The following COL24A1 variants were observed in gnomAD, a reference collection of about 807,000 sequenced individuals.
COL24A1 encodes the protein collagen type XXIV alpha 1 chain, also known as collagen alpha-1(XXIV) chain.
A neutral mutation model predicts 253.9 loss-of-function variants in COL24A1; 224 were observed. The observed-to-expected ratio is 0.88, with a 90% confidence interval of 0.79 to 0.99. The LOEUF (loss-of-function observed/expected upper bound fraction) is 0.99. Among genes scored for constraint, COL24A1 ranks in the 50% least tolerant of loss-of-function variants. COL24A1 has a pLI of 0.00. For synonymous variants in COL24A1, 685 were observed against 673.7 expected, an observed-to-expected ratio of 1.02 and a Z score of -0.26; for missense variants, 2,131 against 2,068.5, an observed-to-expected ratio of 1.03 and a Z score of -0.59.
At chr1:85,911,778 T>A (rs1685394368) in intron 24 of COL24A1, among the ~76,000 whole-genome samples, 1 of 152,114 alleles carries the variant, frequency 6.6e-6, no homozygotes, top group African/African-American at 2.4e-5. Flanking sequence ...TATATTCGTT[T>A]AAGAAATCAT....
At chr1:85,811,163 CAAT>C (rs1192028249) in intron 47 of COL24A1, among the ~76,000 whole-genome samples, 1 of 152,154 alleles carries the variant, frequency 6.6e-6, no homozygotes, top group Admixed American at 6.5e-5. Flanking sequence ...ATTCCATTGT[CAAT>C]TATTCCAATA....
chr1:85,889,533 A>G (rs774873101), intron 32 of COL24A1, 27 bp downstream of exon 32: 4 of 1,588,964 alleles, frequency 2.5e-6, no homozygotes, highest in South Asian at 2.2e-5. Flanking sequence ...GAAAGACACA[A>G]TTAGAAAAGT....
Position 85,760,682 on chromosome 1 carries a change from A to G in COL24A1, c.4437+714T>C, listed in dbSNP as rs118089825. 1.2e-3 allele frequency among the ~76,000 whole-genome samples: 176 copies of G among 152,300 alleles called. 2 individuals carry two copies. The East Asian group carries it at 0.032, about 28-fold the overall frequency. On this transcript the variant is annotated intron_variant, in intron 55 of 59. Transcript: ENST00000370571. The stretch of plus-strand genomic sequence containing the variant: ...GGATGGTGTAGCGAACAGTAGATCC[A>G]TGTTAGGCAGAAAATGTGACCAAGG...
At chr1:85,830,819 G>T (rs376938731) in intron 43 of COL24A1, among the ~76,000 whole-genome samples, 11 of 152,122 alleles carry the variant, frequency 7.2e-5, no homozygotes, top group African/African-American at 2.7e-4. Flanking sequence ...TGCGCCCACT[G>T]TCTGGCACTC....
intron 22 of COL24A1, among the ~76,000 whole-genome samples, chr1:85,966,746 A>T (rs1454289607): frequency 6.6e-6 from 1 of 152,136 alleles, no homozygotes; most frequent in Non-Finnish European, 1.5e-5. Flanking sequence ...AGCAATACAG[A>T]AACCACTGAT....
intron 59 of COL24A1, among the ~76,000 whole-genome samples, chr1:85,731,140 T>C (rs1342930678): frequency 6.6e-6 from 1 of 152,220 alleles, no homozygotes; most frequent in African/African-American, 2.4e-5. Flanking sequence ...CAGTCAGAAA[T>C]AGTTAAAATT....
intron 24 of COL24A1, among the ~76,000 whole-genome samples, chr1:85,950,786 AG>A (rs1689822524): frequency 6.6e-6 from 1 of 152,242 alleles, no homozygotes; most frequent in South Asian, 2.1e-4. Flanking sequence ...TAAAATACAG[AG>A]GATACTTGAT....
At chr1:85,910,719 A>G (rs1416217119) in intron 25 of COL24A1, among the ~76,000 whole-genome samples, 3 of 151,986 alleles carry the variant, frequency 2.0e-5, no homozygotes, top group African/African-American at 7.2e-5. Flanking sequence ...GAGTTAGAAG[A>G]GATATTTAAA....
At chr1:86,154,228 T>C (rs1298907511) in intron 1 of COL24A1, 2 of 152,138 alleles carry the variant, frequency 1.3e-5, no homozygotes, top group Non-Finnish European at 2.9e-5. Context: ...AAATTGGATT[T>C]TCTAGAAACA....
Position 85,896,014 on chromosome 1 carries a change from T to C in COL24A1, c.2877+7A>G, listed in dbSNP as rs748951847. 4 of 1,607,630 alleles carry C rather than the reference T, an allele frequency of 2.5e-6. 1 individual carries two copies. In the South Asian group the frequency reaches 4.5e-5, roughly 18 times the overall value. On this transcript the variant is annotated splice_region_variant and intron_variant, in intron 30 of 59. Transcript: ENST00000370571. Reference sequence around the variant, plus strand: ...TCATCTTTAATGTGAAATGTTTTATTACTTACAATAAGACCATGAGGCCCT... The same window carrying C: ...TCATCTTTAATGTGAAATGTTTTATCACTTACAATAAGACCATGAGGCCCT...
At chr1:85,997,333 A>G (rs964024332) in intron 19 of COL24A1, among the ~76,000 whole-genome samples, 1 of 151,970 alleles carries the variant, frequency 6.6e-6, no homozygotes, top group Non-Finnish European at 1.5e-5. Flanking sequence ...TGTAGAGGAC[A>G]TGTCTTCAAT....
intron 7 of COL24A1, among the ~76,000 whole-genome samples, chr1:86,084,944 G>A (rs1284773065): frequency 1.3e-5 from 2 of 152,098 alleles, no homozygotes; most frequent in African/African-American, 4.8e-5. Flanking sequence ...ACTTGAATTG[G>A]GAAGCAACTC....
chr1:85,987,053 G>A (rs1457731911), intron 20 of COL24A1, among the ~76,000 whole-genome samples: 1 of 151,774 alleles, frequency 6.6e-6, no homozygotes, highest in Non-Finnish European at 1.5e-5. Context: ...GGCCTAGAAC[G>A]TTGCTTTAAA....
rs1469094431 is a variant in COL24A1 at position 85,868,893 on chromosome 1, T to C, written c.3139-58A>G. The C allele has an allele frequency of 9.7e-6, 12 of 1,240,774 alleles. No individual in the cohort carries two copies. In the East Asian group the frequency reaches 2.4e-4, roughly 25 times the overall value. 76.9% of individuals were successfully genotyped at this position (1,240,774 alleles called of 1,614,324 possible). The stretch of plus-strand genomic sequence containing the variant: ...TTTTTTTGCTATATCATTTATCTTA[T>C]TTTATTTTTAGCCCATAGTATATAT... On this transcript the variant is annotated intron_variant, in intron 35 of 59. Transcript: ENST00000370571.
chr1:85,939,147 A>G (rs1688501714), intron 24 of COL24A1, among the ~76,000 whole-genome samples: 1 of 152,188 alleles, frequency 6.6e-6, no homozygotes, highest in African/African-American at 2.4e-5. Flanking sequence ...AGCCACTCAG[A>G]GTAGACTAGA....
At chr1:85,760,997 T>G (rs1174829576) in intron 55 of COL24A1, among the ~76,000 whole-genome samples, 1 of 152,132 alleles carries the variant, frequency 6.6e-6, no homozygotes, top group African/African-American at 2.4e-5. Context: ...GAGAAAGATT[T>G]GATTTACTTC....
At chr1:86,132,330 A>C (rs1210180038) in intron 2 of COL24A1, among the ~76,000 whole-genome samples, 4 of 152,096 alleles carry the variant, frequency 2.6e-5, no homozygotes, top group African/African-American at 9.7e-5. Context: ...GTTCACTGTG[A>C]TAGTAGTTTC....
chr1:85,889,410 T>C, intron 32 of COL24A1, 150 bp downstream of exon 32: 1 of 577,780 alleles, frequency 1.7e-6, no homozygotes, highest in Non-Finnish European at 3.0e-6. Context: ...CTATAAACTA[T>C]TATTTTTCAT....
At chr1:85,781,835 CTAT>C in intron 51 of COL24A1, among the ~76,000 whole-genome samples, 1 of 152,120 alleles carries the variant, frequency 6.6e-6, no homozygotes, top group Non-Finnish European at 1.5e-5. Flanking sequence ...AAACTTTAAG[CTAT>C]TATTTGGTTA....
Sources: gnomAD v4.1 joint callset for allele counts (sites outside exome capture counted in the v4.1 genomes callset) on GRCh38, gnomAD v4.1.1 for gene constraint, MANE v1.5 for transcripts, NCBI Gene and HGNC (gene_info 2026-07-23, HGNC 2026-07-21) for gene names.